The following KIRREL3 variants were observed in gnomAD, a reference collection of about 807,000 sequenced individuals.
KIRREL3 encodes the protein kin of IRRE-like protein 3.
KIRREL3 carries 36 observed loss-of-function variants against 89.7 expected under a neutral mutation model. That is an observed-to-expected ratio of 0.40 (90% CI 0.31 to 0.53). The LOEUF is 0.53. Among genes scored for constraint, KIRREL3 ranks in the 20% least tolerant of loss-of-function variants. The pLI is 0.49. For synonymous variants in KIRREL3, 445 were observed against 441.4 expected (o/e 1.01, Z -0.10); for missense variants, 864 against 1,056.6 (o/e 0.82, Z 2.53).
chr11:126,745,463 C>CAAAG (rs148568651), intron 1 of KIRREL3, among the ~76,000 whole-genome samples: 25,211 of 137,370 alleles, frequency 0.18, 2,198 homozygotes, highest in African/African-American at 0.24. Context: ...AGATGGAAAA[C>CAAAG]AAACAAACAA....
intron 1 of KIRREL3, among the ~76,000 whole-genome samples, chr11:126,925,357 G>A (rs1212895867): frequency 6.6e-6 from 1 of 152,174 alleles, no homozygotes; most frequent in Non-Finnish European, 1.5e-5. Flanking sequence ...CTGTGGTGGC[G>A]GGGGGAGCAT....
chr11:126,443,688 G>A lies in KIRREL3; in HGVS notation c.1252+1291C>T, dbSNP rs757508129. On this transcript the variant is annotated intron_variant, in intron 10 of 16. Transcript: ENST00000525144. The surrounding 1 kb of genome is among the most constrained non-coding windows in gnomAD (Gnocchi z 7.3). ...ACCAAGCTGGTTTTGGTTTTCTAGC[G>A]AAGGGGAGAATAGATGAGGCCATCA... Among the ~76,000 whole-genome samples the A allele has an allele frequency of 1.3e-5, 2 of 152,178 alleles. No homozygotes were observed. Among genetic ancestry groups the A allele is most frequent in the South Asian group, 4.1e-4 (2 of 4,830 alleles).
intron 1 of KIRREL3, among the ~76,000 whole-genome samples, chr11:126,809,779 C>A (rs557099761): frequency 1.3e-5 from 2 of 152,264 alleles, no homozygotes; most frequent in East Asian, 3.9e-4. Flanking sequence ...ATCTACATGG[C>A]CAGTTAAGGT....
At chr11:126,717,061 C>A (rs1267098241) in intron 1 of KIRREL3, among the ~76,000 whole-genome samples, 3 of 152,176 alleles carry the variant, frequency 2.0e-5, no homozygotes, top group Non-Finnish European at 4.4e-5. Flanking sequence ...GATTCTTCCT[C>A]ACCCAGGTCA....
upstream of KIRREL3, chr11:127,002,775 C>T (rs1181820322): frequency 6.6e-6 from 1 of 152,170 alleles, no homozygotes; most frequent in African/African-American, 2.4e-5. Flanking sequence ...GTGCTAATTC[C>T]TCAATGGCCC....
intron 7 of KIRREL3, among the ~76,000 whole-genome samples, chr11:126,451,939 T>G (rs1399952302): frequency 6.6e-6 from 1 of 152,154 alleles, no homozygotes; most frequent in African/African-American, 2.4e-5. Context: ...CAGCCACTGC[T>G]CCCTGGAACT....
chr11:126,809,078 A>T (rs933958047), intron 1 of KIRREL3, among the ~76,000 whole-genome samples: 1 of 152,210 alleles, frequency 6.6e-6, no homozygotes, highest in Non-Finnish European at 1.5e-5. Context: ...ACCCGCAAGC[A>T]TGGCTAGTTG....
At chr11:126,481,399 G>A (rs982588550) in intron 4 of KIRREL3, among the ~76,000 whole-genome samples, 21 of 152,154 alleles carry the variant, frequency 1.4e-4, no homozygotes, top group Admixed American at 3.9e-4. Context: ...TCTTTAAGCT[G>A]ACGAATTCCA....
chr11:126,675,385 T>G (rs1311077856), intron 1 of KIRREL3, among the ~76,000 whole-genome samples: 1 of 152,228 alleles, frequency 6.6e-6, no homozygotes, highest in Admixed American at 6.5e-5. Context: ...AATTCTATAT[T>G]TTAAAAGCCC....
At chr11:126,629,211 C>T (rs761174457) in intron 1 of KIRREL3, among the ~76,000 whole-genome samples, 3 of 152,106 alleles carry the variant, frequency 2.0e-5, no homozygotes, top group African/African-American at 4.8e-5. Flanking sequence ...TTCAGCTGGG[C>T]GCGCTGTGTG....
Position 126,672,060 on chromosome 11 carries a change from G to A in KIRREL3, c.56-109148C>T, listed in dbSNP as rs541885784. ...GTAGGTGAATGGGTTAATAAACTTG[G>A]GTTTTTTAAATACACAATTAAGCTA... On this transcript the variant is annotated intron_variant, in intron 1 of 16. Transcript: ENST00000525144. Among the ~76,000 whole-genome samples, 7 of 152,244 alleles carry A rather than the reference G, an allele frequency of 4.6e-5. No individual in the cohort carries two copies. In the South Asian group the frequency reaches 1.5e-3, roughly 32 times the overall value.
At chr11:126,816,667 TCTC>T (rs1229610689) in intron 1 of KIRREL3, among the ~76,000 whole-genome samples, 2 of 152,200 alleles carry the variant, frequency 1.3e-5, no homozygotes, top group African/African-American at 2.4e-5. Context: ...TACTATTTAA[TCTC>T]CTCCTTTTCA....
rs114239938 is a variant in KIRREL3 at position 126,981,780 on chromosome 11, G to A, written c.55+18675C>T. On this transcript the variant is annotated intron_variant, in intron 1 of 16. Transcript: ENST00000525144. The surrounding 1 kb of genome is among the most constrained non-coding windows in gnomAD (Gnocchi z 4.2). The stretch of plus-strand genomic sequence containing the variant: ...CTACCAAAGAGGGCCTCTCTCCAAG[G>A]TGCCTCCCAGCTCTAGGCCTGAGGT... Among the ~76,000 whole-genome samples the A allele has an allele frequency of 4.1e-3, 617 of 152,250 alleles. 1 individual carries two copies. Among genetic ancestry groups the A allele is most frequent in the Middle Eastern group, 6.8e-3 (2 of 294 alleles).
chr11:126,571,248 C>T lies in KIRREL3; in HGVS notation c.56-8336G>A, dbSNP rs867566660. ...GCTGGGTTCCTCCCCTACCCTCAGA[C>T]ACTGCCTGGGATCTTTCTCCCAACT... On this transcript the variant is annotated intron_variant, in intron 1 of 16. Transcript: ENST00000525144. This position sits in a 1 kb window ranked among gnomAD's most constrained non-coding sequence, Gnocchi z 7.7. Among the ~76,000 whole-genome samples the T allele has an allele frequency of 2.0e-5, 3 of 152,356 alleles. 1 individual carries two copies. The South Asian group carries it at 6.2e-4, about 32-fold the overall frequency.
At chr11:126,487,047 C>G (rs1258765552) in intron 4 of KIRREL3, among the ~76,000 whole-genome samples, 2 of 152,128 alleles carry the variant, frequency 1.3e-5, no homozygotes, top group African/African-American at 4.8e-5. Context: ...ACCCTGGAGC[C>G]TCAGAAGTCT....
intron 1 of KIRREL3, among the ~76,000 whole-genome samples, chr11:126,873,432 C>T (rs111611000): frequency 0.015 from 2,350 of 152,216 alleles, 63 homozygotes; most frequent in African/African-American, 0.054. Flanking sequence ...GGAGCGATGC[C>T]GGGCTGTTTG....
chr11:126,636,997 A>G lies in KIRREL3; in HGVS notation c.56-74085T>C, dbSNP rs182115618. ...AGGAGGGTAGGCACTTAGTAATACTAGGCTACCTCCCTTCCTCCTCACTTC... is the reference window on the plus strand; with the variant it reads ...AGGAGGGTAGGCACTTAGTAATACTGGGCTACCTCCCTTCCTCCTCACTTC... On this transcript the variant is annotated intron_variant, in intron 1 of 16. Transcript: ENST00000525144. This position sits in a 1 kb window ranked among gnomAD's most constrained non-coding sequence, Gnocchi z 4.4. Among the ~76,000 whole-genome samples the G allele has an allele frequency of 5.1e-4, 77 of 152,280 alleles. No homozygotes were observed. Among genetic ancestry groups the G allele is most frequent in the African/African-American group, 1.7e-3 (72 of 41,560 alleles).
Position 126,906,244 on chromosome 11 carries a change from G to A in KIRREL3, c.55+94211C>T, listed in dbSNP as rs973408018. Among the ~76,000 whole-genome samples the A allele has an allele frequency of 6.6e-6, 1 of 152,182 alleles. No individual in the cohort carries two copies. Among genetic ancestry groups the A allele is most frequent in the African/African-American group, 2.4e-5 (1 of 41,448 alleles). The stretch of plus-strand genomic sequence containing the variant: ...GGGCTGACTGCTCAAGAAGCAAGAT[G>A]TTCAAAGACATGGCTCCCAGTCTCG... On this transcript the variant is annotated intron_variant, in intron 1 of 16. Transcript: ENST00000525144. This position sits in a 1 kb window ranked among gnomAD's most constrained non-coding sequence, Gnocchi z 4.1.
chr11:126,592,349 T>A (rs1417328776), intron 1 of KIRREL3, among the ~76,000 whole-genome samples: 10 of 152,206 alleles, frequency 6.6e-5, no homozygotes. Context: ...TGAATCCTTA[T>A]AACAACACAG....
Sources: gnomAD v4.1 joint callset for allele counts (sites outside exome capture counted in the v4.1 genomes callset) on GRCh38, gnomAD v4.1.1 for gene constraint, Gnocchi (gnomAD v3.1) non-coding constraint, MANE v1.5 for transcripts, NCBI Gene and HGNC (gene_info 2026-07-23, HGNC 2026-07-21) for gene names.